Variants in APMAP observed in about 807,000 individuals in gnomAD.
The protein encoded by APMAP is adipocyte plasma membrane-associated protein.
In APMAP, 33 loss-of-function variants were observed where a neutral mutation model predicts 43.6. The observed-to-expected ratio is 0.76, with a 90% CI of 0.57 to 1.01. The LOEUF (loss-of-function observed/expected upper bound fraction) is 1.01, where lower values mean the gene tolerates loss of function less well. Ranked by LOEUF, APMAP falls within the 50% of genes least tolerant of loss-of-function variation. APMAP has a pLI of 0.00. For synonymous variants in APMAP, 224 were observed against 216.7 expected, an observed-to-expected ratio of 1.03 and a Z score of -0.30; for missense variants, 498 against 540.7, an observed-to-expected ratio of 0.92 and a Z score of 0.78.
chr20:24,968,000 C>T (rs1467165884), intron 8 of APMAP, among the ~76,000 whole-genome samples: 1 of 152,258 alleles, frequency 6.6e-6, no homozygotes, highest in Admixed American at 6.5e-5. Context: ...AGCAACAGGA[C>T]TCAGCAACTG....
At chr20:24,966,087 G>T in intron 8 of APMAP, among the ~76,000 whole-genome samples, 1 of 152,218 alleles carries the variant, frequency 6.6e-6, no homozygotes, top group Non-Finnish European at 1.5e-5. Flanking sequence ...TCAGCACCCA[G>T]ATCTCCTCCA....
rs1568817304 is a variant in APMAP at position 24,983,935 on chromosome 20, C to T, written c.180G>A (p.Leu60=). The T allele has an allele frequency of 6.2e-7, 1 of 1,613,798 alleles. No homozygotes were observed. Residue 60 remains leucine, a synonymous_variant, in exon 2 of 9, where the codon CTG becomes CTA. Transcript: ENST00000217456. ...GCTGTGGATCTATAGGAGATTCCAGCAGCATCATGGCTCCAAGCAGGGGAA... is the reference window on the plus strand; with the variant it reads ...GCTGTGGATCTATAGGAGATTCCAGTAGCATCATGGCTCCAAGCAGGGGAA... ...LTVPLLGAMM[L]LESPIDPQPL... is the part of the protein sequence containing the mutation.
At chr20:24,982,563 A>G (rs1273457755) in intron 2 of APMAP, among the ~76,000 whole-genome samples, 3 of 152,134 alleles carry the variant, frequency 2.0e-5, no homozygotes, top group Admixed American at 2.0e-4. Context: ...CCACACATAA[A>G]ATCATCTTTC....
chr20:24,978,675 G>A (rs1197629407), intron 3 of APMAP, 92 bp downstream of exon 3: 1 of 1,017,020 alleles, frequency 9.8e-7, no homozygotes, highest in Non-Finnish European at 1.5e-6. Flanking sequence ...CAGTCCAGGG[G>A]CAGCGTGCCA....
At position 24,970,253 on chromosome 20, in the gene APMAP, G is replaced by C. The variant is rs772440394; in HGVS notation, c.657C>G (p.Ser219Arg). 1 of 1,614,132 alleles carries C rather than the reference G, an allele frequency of 6.2e-7. No individual in the cohort carries two copies. The highest frequency in any genetic ancestry group is 8.5e-7 in the Non-Finnish European group (1 of 1,180,042). The change falls in exon 6 of 9, where the codon AGC becomes AGG. Residue 219 changes from serine (S) to arginine (R), a missense_variant. Transcript: ENST00000217456. Reference protein sequence around the residue: ...GRKIYFTDSSSKWQRRDYLLL... With the variant: ...GRKIYFTDSSRKWQRRDYLLL... Reference sequence around the variant, plus strand: ...GCAGGTAGTCTCGTCTTTGCCATTTGCTGCTAGAATCGGTGAAATAAATCT... The same window carrying C: ...GCAGGTAGTCTCGTCTTTGCCATTTCCTGCTAGAATCGGTGAAATAAATCT...
intron 2 of APMAP, among the ~76,000 whole-genome samples, chr20:24,980,156 G>A (rs981057601): frequency 6.6e-6 from 1 of 152,130 alleles, no homozygotes; most frequent in Non-Finnish European, 1.5e-5. Flanking sequence ...CCAGCATCTG[G>A]CACCCAACAT....
intron 3 of APMAP, 94 bp downstream of exon 3, chr20:24,978,673 G>T: frequency 9.9e-7 from 1 of 1,005,606 alleles, no homozygotes; most frequent in Non-Finnish European, 1.5e-6. Context: ...CCCAGTCCAG[G>T]GGCAGCGTGC....
chr20:24,976,386 G>T (rs1006432774), intron 3 of APMAP, among the ~76,000 whole-genome samples: 6 of 151,902 alleles, frequency 3.9e-5, no homozygotes, highest in African/African-American at 1.5e-4. Context: ...TGGGCAAAAG[G>T]CCTGAACAGA....
chr20:24,992,282 G>A (rs1278823731), intron 1 of APMAP, among the ~76,000 whole-genome samples: 2 of 152,156 alleles, frequency 1.3e-5, no homozygotes, highest in African/African-American at 4.8e-5. Flanking sequence ...CGCTATGCAG[G>A]GTGGGGCAGG....
Position 24,963,555 on chromosome 20 carries a change from T to C in APMAP, c.*258A>G. 1 of 513,034 alleles carries C rather than the reference T, an allele frequency of 1.9e-6. No homozygotes were observed. The highest frequency in any genetic ancestry group is 3.5e-6 in the Non-Finnish European group (1 of 284,940). The allele number at this position is 513,034 out of a possible 1,614,324, so 31.8% of individuals were successfully genotyped here. A position where few individuals can be genotyped will look rare whatever the true frequency, so the allele number is the denominator to read the frequency against. Reference sequence around the variant, plus strand: ...CTGTACTTAGAAAGTTTTGTTTTGTTTAAGAGAAAATGGCTTTACATGAAT... The same window carrying C: ...CTGTACTTAGAAAGTTTTGTTTTGTCTAAGAGAAAATGGCTTTACATGAAT... On this transcript the variant is annotated 3_prime_UTR_variant, in exon 9 of 9. Coordinates refer to ENST00000217456, the MANE Select transcript of APMAP (RefSeq NM_020531.3).
rs188708566 is a variant in APMAP at position 24,970,434 on chromosome 20, T to C, written c.539-63A>G. On this transcript the variant is annotated intron_variant, in intron 5 of 8. Coordinates refer to ENST00000217456, the MANE Select transcript of APMAP (RefSeq NM_020531.3). ...TAGGAACTTCTCAATAATTGCAAAA[T>C]ATTAACCAACCTAACTGATTTAAAA... 400 of 1,476,336 alleles carry C rather than the reference T, an allele frequency of 2.7e-4. 1 individual carries two copies. The highest frequency in any genetic ancestry group is 3.5e-4 in the Non-Finnish European group (385 of 1,088,098). 91.5% of individuals were successfully genotyped at this position (1,476,336 alleles called of 1,614,324 possible).
intron 1 of APMAP, among the ~76,000 whole-genome samples, chr20:24,988,099 G>C (rs1242109521): frequency 1.3e-5 from 2 of 152,216 alleles, no homozygotes; most frequent in African/African-American, 4.8e-5. Flanking sequence ...CTGCCTTAAA[G>C]GAAGCTGATG....
intron 4 of APMAP, among the ~76,000 whole-genome samples, chr20:24,972,333 C>T (rs1443650706): frequency 1.4e-5 from 2 of 147,180 alleles, no homozygotes; most frequent in African/African-American, 2.5e-5. Flanking sequence ...AAGATGTTCA[C>T]TGTGGGGTGC....
chr20:24,967,430 C>T (rs975232641), intron 8 of APMAP, among the ~76,000 whole-genome samples: 2 of 152,258 alleles, frequency 1.3e-5, no homozygotes, highest in Non-Finnish European at 2.9e-5. Context: ...TCCATGTTCC[C>T]TCATGCTTGC....
At chr20:24,970,847 T>A (rs2087992523) in intron 5 of APMAP, among the ~76,000 whole-genome samples, 2 of 152,166 alleles carry the variant, frequency 1.3e-5, no homozygotes, top group African/African-American at 4.8e-5. Flanking sequence ...CCCAATTTGA[T>A]GAGGAAGCTG....
chr20:24,975,954 G>A (rs1269606542), intron 3 of APMAP, among the ~76,000 whole-genome samples: 1 of 152,176 alleles, frequency 6.6e-6, no homozygotes, highest in Non-Finnish European at 1.5e-5. Context: ...TCCACAAATG[G>A]TGCTGGAACA....
chr20:24,979,795 C>T (rs912146297), intron 2 of APMAP, among the ~76,000 whole-genome samples: 1 of 152,134 alleles, frequency 6.6e-6, no homozygotes, highest in African/African-American at 2.4e-5. Flanking sequence ...GCCACAGCAC[C>T]TTCTTGCCCC....
chr20:24,979,659 C>A (rs1490510196), intron 2 of APMAP, among the ~76,000 whole-genome samples: 4 of 152,162 alleles, frequency 2.6e-5, no homozygotes, highest in Admixed American at 6.5e-5. Flanking sequence ...CCTCCCTTGA[C>A]CCCTGTAGTC....
intron 2 of APMAP, among the ~76,000 whole-genome samples, chr20:24,981,577 C>T (rs1343893890): frequency 6.6e-6 from 1 of 152,208 alleles, no homozygotes; most frequent in East Asian, 1.9e-4. Flanking sequence ...CTTCTATTTG[C>T]TCTTGATGTC....
Sources: allele counts gnomAD v4.1 joint callset (sites outside exome capture counted in the v4.1 genomes callset), GRCh38; gene constraint gnomAD v4.1.1; transcripts MANE v1.5; gene names NCBI Gene and HGNC (gene_info 2026-07-23, HGNC 2026-07-21).